The following EPHA6 variants were observed in gnomAD, a reference collection of about 807,000 sequenced individuals.
EPHA6 encodes the protein ephrin type-A receptor 6.
Under a neutral mutation model 112.0 loss-of-function variants are expected in EPHA6, and 50 were observed. The ratio of observed to expected loss-of-function variants is 0.45; its 90% CI spans 0.36 to 0.56. The LOEUF is 0.56. Among genes scored for constraint, EPHA6 ranks in the 20% least tolerant of loss-of-function variants. EPHA6 has a pLI of 0.00. For synonymous variants in EPHA6, 529 were observed against 490.7 expected, an observed-to-expected ratio of 1.08 and a Z score of -1.03; for missense variants, 1,280 against 1,417.4, an observed-to-expected ratio of 0.90 and a Z score of 1.56.
intron 14 of EPHA6, among the ~76,000 whole-genome samples, chr3:97,675,491 GTAAA>G (rs952210855): frequency 2.0e-5 from 3 of 152,002 alleles, no homozygotes; most frequent in African/African-American, 4.8e-5. Flanking sequence ...ATATAAAAAA[GTAAA>G]TAAATAAAAA....
intron 8 of EPHA6, 35 bp from the exon 9 acceptor site, chr3:97,479,259 T>A (rs2091461773): frequency 6.8e-7 from 1 of 1,467,476 alleles, no homozygotes. Context: ...ATCATACTTC[T>A]TAAAACAAGT....
At chr3:97,356,490 T>G (rs747784488) in intron 5 of EPHA6, among the ~76,000 whole-genome samples, 4 of 152,152 alleles carry the variant, frequency 2.6e-5, no homozygotes, top group Non-Finnish European at 5.9e-5. Context: ...AGTTTTGGTA[T>G]GTTGTATTTT....
At chr3:97,641,674 G>T (rs1183313435) in intron 14 of EPHA6, among the ~76,000 whole-genome samples, 1 of 152,236 alleles carries the variant, frequency 6.6e-6, no homozygotes, top group African/African-American at 2.4e-5. Flanking sequence ...AAAGAAAGGG[G>T]TGACGGACGC....
chr3:97,081,286 A>C (rs9867088), intron 3 of EPHA6, among the ~76,000 whole-genome samples: 19,724 of 151,896 alleles, frequency 0.13, 2,122 homozygotes, highest in African/African-American at 0.3. Flanking sequence ...ATAACATTAC[A>C]TATGAAGGCT....
chr3:97,575,663 G>C (rs1390746888), intron 11 of EPHA6, among the ~76,000 whole-genome samples: 1 of 152,158 alleles, frequency 6.6e-6, no homozygotes, highest in Non-Finnish European at 1.5e-5. Flanking sequence ...TAAATCATAA[G>C]TATTATTTTT....
chr3:96,902,349 A>C (rs968123624), intron 2 of EPHA6, among the ~76,000 whole-genome samples: 1 of 152,170 alleles, frequency 6.6e-6, no homozygotes, highest in African/African-American at 2.4e-5. Flanking sequence ...AGAATGATGG[A>C]GGAGTAAAAG....
intron 14 of EPHA6, among the ~76,000 whole-genome samples, chr3:97,694,236 T>C (rs2032865787): frequency 6.7e-6 from 1 of 149,526 alleles, no homozygotes; most frequent in Admixed American, 6.6e-5. Flanking sequence ...TTTTATTTCT[T>C]TTTCTTTTTT....
At chr3:97,716,552 G>A (rs1424660225) in intron 14 of EPHA6, among the ~76,000 whole-genome samples, 1 of 119,078 alleles carries the variant, frequency 8.4e-6, no homozygotes, top group Non-Finnish European at 1.5e-5. Flanking sequence ...TCCGGCCCGG[G>A]CGACAGAGCG....
At chr3:97,305,092 A>G (rs2081261211) in intron 5 of EPHA6, among the ~76,000 whole-genome samples, 1 of 152,084 alleles carries the variant, frequency 6.6e-6, no homozygotes, top group African/African-American at 2.4e-5. Context: ...ATACTTCTCA[A>G]AAGAAGACAT....
chr3:97,403,823 G>A (rs2087154498), intron 5 of EPHA6, among the ~76,000 whole-genome samples: 2 of 152,152 alleles, frequency 1.3e-5, no homozygotes, highest in Non-Finnish European at 2.9e-5. Flanking sequence ...ATTCATAGAT[G>A]TCCAGTTTCT....
intron 5 of EPHA6, among the ~76,000 whole-genome samples, chr3:97,365,531 G>A (rs536731420): frequency 2.0e-5 from 3 of 151,896 alleles, no homozygotes; most frequent in South Asian, 2.1e-4. Context: ...GCTGGCACAC[G>A]CCACCACACC....
At chr3:96,890,594 T>C (rs892966821) in intron 2 of EPHA6, among the ~76,000 whole-genome samples, 1 of 152,198 alleles carries the variant, frequency 6.6e-6, no homozygotes, top group Non-Finnish European at 1.5e-5. Context: ...ATTGTTATCA[T>C]GAATATATTG....
chr3:97,314,786 T>G (rs1321790473), intron 5 of EPHA6, among the ~76,000 whole-genome samples: 1 of 151,558 alleles, frequency 6.6e-6, no homozygotes, highest in Admixed American at 6.6e-5. Flanking sequence ...AATTAGATAA[T>G]GAAAGGTTGA....
intron 2 of EPHA6, among the ~76,000 whole-genome samples, chr3:96,925,324 CT>C (rs1446018279): frequency 6.6e-6 from 1 of 152,082 alleles, no homozygotes; most frequent in Non-Finnish European, 1.5e-5. Flanking sequence ...AATTTTGAAA[CT>C]CGTTATCAGT....
At chr3:96,984,353 G>A (rs1315874381) in intron 2 of EPHA6, among the ~76,000 whole-genome samples, 1 of 152,154 alleles carries the variant, frequency 6.6e-6, no homozygotes, top group Non-Finnish European at 1.5e-5. Context: ...CTGCAGTGGA[G>A]GCTGCAGAAC....
intron 3 of EPHA6, among the ~76,000 whole-genome samples, chr3:97,097,602 T>C (rs1667847429): frequency 6.6e-6 from 1 of 151,854 alleles, no homozygotes; most frequent in African/African-American, 2.4e-5. Context: ...TAGCTTTATA[T>C]AAAAGATAGT....
At chr3:96,898,217 CATT>C (rs1314741606) in intron 2 of EPHA6, among the ~76,000 whole-genome samples, 2 of 152,082 alleles carry the variant, frequency 1.3e-5, no homozygotes, top group Non-Finnish European at 2.9e-5. Flanking sequence ...TATGTTGTCT[CATT>C]ATCCAAACTA....
chr3:97,561,164 C>T (rs1211407277), intron 11 of EPHA6, among the ~76,000 whole-genome samples: 1 of 151,916 alleles, frequency 6.6e-6, no homozygotes, highest in African/African-American at 2.4e-5. Flanking sequence ...AATTAATAAC[C>T]TTACAATGGT....
intron 3 of EPHA6, among the ~76,000 whole-genome samples, chr3:97,089,243 G>A (rs1395456884): frequency 1.3e-5 from 2 of 152,042 alleles, no homozygotes; most frequent in African/African-American, 4.8e-5. Flanking sequence ...CTGAAAAACA[G>A]ACAAAAACTA....
Sources: allele counts gnomAD v4.1 joint callset (sites outside exome capture counted in the v4.1 genomes callset), GRCh38; gene constraint gnomAD v4.1.1; transcripts MANE v1.5; gene names NCBI Gene and HGNC (gene_info 2026-07-23, HGNC 2026-07-21).